TAS2R1: variants seen among roughly 807,000 people sequenced by gnomAD.
The protein encoded by TAS2R1 is taste receptor type 2 member 1.
For synonymous variants in TAS2R1, 141 were observed against 134.2 expected, an observed-to-expected ratio of 1.05 and a Z score of -0.35; for missense variants, 370 against 353.4, an observed-to-expected ratio of 1.05 and a Z score of -0.38.
chr5:9,855,965 T>A, the TAS2R1 span, among the ~76,000 whole-genome samples: 1 of 148,720 alleles, frequency 6.7e-6, no homozygotes, highest in East Asian at 2.0e-4. Flanking sequence ...TGTTTTCTAG[T>A]TTTTTTTTTA....
At chr5:9,755,823 A>C in the TAS2R1 span, among the ~76,000 whole-genome samples, 1 of 152,160 alleles carries the variant, frequency 6.6e-6, no homozygotes, top group Non-Finnish European at 1.5e-5. Context: ...TTGCTATGGC[A>C]TGTGTACACT....
chr5:9,712,899 C>T (rs1734716516), upstream of TAS2R1, among the ~76,000 whole-genome samples: 2 of 151,356 alleles, frequency 1.3e-5, no homozygotes, highest in East Asian at 4.0e-4. Flanking sequence ...CTTTGGAGAA[C>T]CCTAACTAAT....
chr5:9,898,022 G>A, the TAS2R1 span, among the ~76,000 whole-genome samples: 3 of 152,072 alleles, frequency 2.0e-5, no homozygotes, highest in Admixed American at 6.6e-5. Flanking sequence ...GACTCACTTC[G>A]GAATTCTAAG....
chr5:9,727,915 G>A, the TAS2R1 span, among the ~76,000 whole-genome samples: 1 of 152,240 alleles, frequency 6.6e-6, no homozygotes, highest in South Asian at 2.1e-4. Flanking sequence ...TGAGTAGGAA[G>A]GGGTAGAATG....
the TAS2R1 span, among the ~76,000 whole-genome samples, chr5:9,823,019 C>CAAA: frequency 5.4e-3 from 617 of 114,352 alleles, 6 homozygotes; most frequent in African/African-American, 0.019. Context: ...TCCTCTCCAC[C>CAAA]AAAAAAAAAA....
chr5:9,692,228 C>T (rs1193986437), intron 1 of TAS2R1, among the ~76,000 whole-genome samples: 4 of 152,168 alleles, frequency 2.6e-5, no homozygotes, highest in South Asian at 2.1e-4. Context: ...CCAGGATCAC[C>T]GGCTAGTAGT....
chr5:9,709,152 T>C (rs541595357), intron 1 of TAS2R1, among the ~76,000 whole-genome samples: 34 of 142,622 alleles, frequency 2.4e-4, no homozygotes, highest in Middle Eastern at 4.0e-3. Flanking sequence ...ATAACAAACC[T>C]GCACATTCCG....
At chr5:9,742,925 ACAGT>A in the TAS2R1 span, among the ~76,000 whole-genome samples, 1 of 152,202 alleles carries the variant, frequency 6.6e-6, no homozygotes, top group Non-Finnish European at 1.5e-5. Flanking sequence ...AGTCAGAGAA[ACAGT>A]CAGAGAAACA....
At chr5:9,801,211 C>T in the TAS2R1 span, among the ~76,000 whole-genome samples, 1 of 152,278 alleles carries the variant, frequency 6.6e-6, no homozygotes, top group South Asian at 2.1e-4. Context: ...CTTCTCTCCA[C>T]CATGTGAGGA....
At chr5:9,712,029 A>AGGGC in intron 1 of TAS2R1, 1 of 4,778 alleles carries the variant, frequency 2.1e-4, no homozygotes, top group Non-Finnish European at 3.5e-4. Flanking sequence ...GAAGGAAGGA[A>AGGGC]GGGAGGGAGG....
chr5:9,890,675 A>T, the TAS2R1 span, among the ~76,000 whole-genome samples: 1 of 152,244 alleles, frequency 6.6e-6, no homozygotes, highest in Non-Finnish European at 1.5e-5. Flanking sequence ...TTAAACATGT[A>T]AGTGTCCATG....
the TAS2R1 span, among the ~76,000 whole-genome samples, chr5:9,893,119 C>T: frequency 6.6e-6 from 1 of 152,152 alleles, no homozygotes; most frequent in Non-Finnish European, 1.5e-5. Context: ...TTACATGCAA[C>T]CAGAGAGAAG....
At chr5:9,801,354 A>G in the TAS2R1 span, among the ~76,000 whole-genome samples, 1 of 152,236 alleles carries the variant, frequency 6.6e-6, no homozygotes. Context: ...TCAGTCTATG[A>G]TATTTTGTTA....
chr5:9,796,721 G>GA, the TAS2R1 span, among the ~76,000 whole-genome samples: 86 of 99,762 alleles, frequency 8.6e-4, 1 homozygote, highest in Middle Eastern at 0.022. Flanking sequence ...CTATTTTCTG[G>GA]AAAAAAAAAA....
At chr5:9,805,113 C>T in the TAS2R1 span, among the ~76,000 whole-genome samples, 1 of 151,910 alleles carries the variant, frequency 6.6e-6, no homozygotes, top group South Asian at 2.1e-4. Context: ...CTACTATGAA[C>T]AACTATATGC....
chr5:9,688,704 C>T (rs900896492), intron 1 of TAS2R1, among the ~76,000 whole-genome samples: 5 of 152,202 alleles, frequency 3.3e-5, no homozygotes, highest in African/African-American at 4.8e-5. Context: ...ATGCACAGAA[C>T]AGGGCAGAAA....
chr5:9,753,472 A>G, the TAS2R1 span, among the ~76,000 whole-genome samples: 6 of 152,132 alleles, frequency 3.9e-5, no homozygotes, highest in African/African-American at 1.2e-4. Flanking sequence ...AGTAGATTGC[A>G]AAAATTTTCT....
chr5:9,682,804 C>G (rs1395381785), intron 1 of TAS2R1, among the ~76,000 whole-genome samples: 1 of 152,126 alleles, frequency 6.6e-6, no homozygotes, highest in East Asian at 1.9e-4. Flanking sequence ...AGCCTACAAC[C>G]CCAATGAGGA....
chr5:9,891,862 C>T, the TAS2R1 span, among the ~76,000 whole-genome samples: 5 of 152,192 alleles, frequency 3.3e-5, no homozygotes, highest in Non-Finnish European at 7.4e-5. Context: ...CCCAACAACT[C>T]ACAATCATAC....
Sources: gnomAD v4.1 joint callset for allele counts (sites outside exome capture counted in the v4.1 genomes callset) on GRCh38, gnomAD v4.1.1 for gene constraint, MANE v1.5 for transcripts, NCBI Gene and HGNC (gene_info 2026-07-23, HGNC 2026-07-21) for gene names.